NAV2: variants seen among roughly 807,000 people sequenced by gnomAD.
NAV2 encodes the protein helicase, APC down-regulated 1.
NAV2 carries 54 observed loss-of-function variants against 223.2 expected under a neutral mutation model. That is an observed-to-expected ratio of 0.24 (90% CI 0.19 to 0.30). The LOEUF is 0.30. Ranked by LOEUF, NAV2 falls within the 10% of genes least tolerant of loss-of-function variation. NAV2 has a pLI of 1.00. For missense variants in NAV2, 2,806 were observed against 3,147.5 expected, an observed-to-expected ratio of 0.89 and a Z score of 2.60; for synonymous variants, 1,279 against 1,239.3, an observed-to-expected ratio of 1.03 and a Z score of -0.67.
chr11:19,464,446 C>A (rs1456004622), intron 1 of NAV2, among the ~76,000 whole-genome samples: 3 of 152,196 alleles, frequency 2.0e-5, no homozygotes, highest in Admixed American at 2.0e-4. Context: ...CAGAATGAAG[C>A]AAACAGGCAA....
intron 1 of NAV2, among the ~76,000 whole-genome samples, chr11:19,636,100 G>A (rs1034246164): frequency 7.9e-5 from 12 of 152,166 alleles, no homozygotes; most frequent in African/African-American, 2.9e-4. Context: ...CCTATTAGAG[G>A]ACTGGTCAAT....
intron 16 of NAV2, among the ~76,000 whole-genome samples, chr11:20,050,824 C>T (rs762547445): frequency 2.0e-5 from 3 of 152,198 alleles, no homozygotes; most frequent in Admixed American, 1.3e-4. Flanking sequence ...CTCTTGAAAC[C>T]TCCAACAAGT....
chr11:19,828,650 G>A (rs903472702), intron 1 of NAV2, among the ~76,000 whole-genome samples: 3 of 149,510 alleles, frequency 2.0e-5, no homozygotes, highest in South Asian at 2.1e-4. Context: ...CATCACACCC[G>A]GCTAATTTTT....
intron 1 of NAV2, among the ~76,000 whole-genome samples, chr11:19,785,415 A>G (rs1482779777): frequency 6.6e-6 from 1 of 152,214 alleles, no homozygotes; most frequent in Non-Finnish European, 1.5e-5. Flanking sequence ...TGGGCCACAG[A>G]TGACATAACC....
intron 25 of NAV2, 32 bp downstream of exon 25, chr11:20,080,241 C>T (rs756384505): frequency 4.1e-5 from 65 of 1,601,326 alleles, no homozygotes; most frequent in Middle Eastern, 1.7e-4. Flanking sequence ...TGGGGACTGA[C>T]GGACAGAGTC....
At chr11:19,909,156 C>T (rs545032794) in intron 6 of NAV2, among the ~76,000 whole-genome samples, 5 of 152,014 alleles carry the variant, frequency 3.3e-5, no homozygotes, top group African/African-American at 1.2e-4. Context: ...AGTTTCCCCT[C>T]GATAAAAAAA....
chr11:19,805,465 C>T (rs1274756344), intron 1 of NAV2, among the ~76,000 whole-genome samples: 1 of 152,150 alleles, frequency 6.6e-6, no homozygotes, highest in Non-Finnish European at 1.5e-5. Context: ...TGTCCCTTGG[C>T]TATAAATAAG....
chr11:20,036,127 C>G, intron 12 of NAV2, 30 bp downstream of exon 12: 1 of 1,613,752 alleles, frequency 6.2e-7, no homozygotes, highest in Non-Finnish European at 8.5e-7. Flanking sequence ...CCAGGCTCCT[C>G]CAGCAGCCTC....
chr11:20,092,056 C>A, intron 27 of NAV2, 150 bp from the exon 28 acceptor site: 1 of 698,740 alleles, frequency 1.4e-6, no homozygotes. Context: ...GCAGGGTTAG[C>A]AAACACTGCT....
Position 19,868,980 on chromosome 11 carries a change from A to G in NAV2, c.494A>G (p.Gln165Arg). ...CTGGCAGCTAAGGGAATAAACATCC[A>G]GGGGCTGTCTGCAGAAGGTGAGTCA... ...NFLAAKGINI[Q>R]GLSAEEIRNG... Residue 165 changes from glutamine to arginine, a missense_variant, in exon 4 of 38, where the codon CAG becomes CGG. This residue lies in a region of NAV2 where 1,167 missense variants were observed against 1,180.5 expected (regional missense o/e 0.99). Coordinates refer to ENST00000349880, the MANE Select transcript of NAV2 (RefSeq NM_145117.5). 75 of 1,613,998 alleles carry G rather than the reference A, an allele frequency of 4.6e-5. No individual in the cohort carries two copies. The highest frequency in any genetic ancestry group is 6.3e-5 in the Non-Finnish European group (74 of 1,179,918).
chr11:20,046,459 G>A (rs994447521), intron 14 of NAV2, among the ~76,000 whole-genome samples: 1 of 151,978 alleles, frequency 6.6e-6, no homozygotes, highest in Non-Finnish European at 1.5e-5. Context: ...TAATTCTTCA[G>A]CTGAGCTTCC....
At chr11:19,569,230 C>T (rs944592202) in intron 1 of NAV2, among the ~76,000 whole-genome samples, 8 of 152,220 alleles carry the variant, frequency 5.3e-5, no homozygotes, top group African/African-American at 1.9e-4. Flanking sequence ...CTTGTTCATG[C>T]ATTTCTCTTA....
chr11:19,975,976 T>C lies in NAV2; in HGVS notation c.2646-8149T>C, dbSNP rs139738154. ...CTGATTTCGATAATGGTCTGTAAAC[T>C]GGATTTGGTTGTAGTTGTTTTTAAA... is the stretch of plus-strand genomic sequence containing the variant. On this transcript the variant is annotated intron_variant, in intron 10 of 37. Transcript: ENST00000349880. 1.2e-4 allele frequency among the ~76,000 whole-genome samples: 19 copies of C among 152,176 alleles called. No individual in the cohort carries two copies. The East Asian group carries it at 3.5e-3, about 28-fold the overall frequency.
At chr11:19,536,159 C>T (rs1390692626) in intron 1 of NAV2, among the ~76,000 whole-genome samples, 1 of 152,150 alleles carries the variant, frequency 6.6e-6, no homozygotes. Context: ...ATCTTCCAAG[C>T]CATCTAATGA....
chr11:20,059,474 A>C (rs369903597), intron 19 of NAV2, among the ~76,000 whole-genome samples: 11 of 151,818 alleles, frequency 7.2e-5, no homozygotes, highest in African/African-American at 2.4e-4. Context: ...TAGTGTTTTC[A>C]CTCCTACTAA....
chr11:19,550,010 C>A (rs947337258), intron 1 of NAV2, among the ~76,000 whole-genome samples: 1 of 152,198 alleles, frequency 6.6e-6, no homozygotes, highest in Non-Finnish European at 1.5e-5. Context: ...TAGAGTCCTG[C>A]AGTTTGCGCC....
At chr11:19,536,808 A>C (rs2044202552) in intron 1 of NAV2, among the ~76,000 whole-genome samples, 1 of 152,188 alleles carries the variant, frequency 6.6e-6, no homozygotes, top group African/African-American at 2.4e-5. Flanking sequence ...AGGAAATGAT[A>C]ATGGGGGCTG....
intron 8 of NAV2, among the ~76,000 whole-genome samples, chr11:19,940,661 T>G (rs774701974): frequency 6.6e-6 from 1 of 152,226 alleles, no homozygotes; most frequent in Non-Finnish European, 1.5e-5. Context: ...GACTACAGCA[T>G]TTTAATAGCC....
intron 1 of NAV2, among the ~76,000 whole-genome samples, chr11:19,509,979 G>C (rs1479328639): frequency 6.6e-6 from 1 of 152,180 alleles, no homozygotes; most frequent in East Asian, 1.9e-4. Context: ...ATTTTTCCAG[G>C]AGGATCTATC....
Sources: gnomAD v4.1 joint callset for allele counts (sites outside exome capture counted in the v4.1 genomes callset) on GRCh38, gnomAD v4.1.1 for gene constraint, gnomAD v4.1.1 regional missense constraint, MANE v1.5 for transcripts, NCBI Gene and HGNC (gene_info 2026-07-23, HGNC 2026-07-21) for gene names.